REPS1: variants seen among roughly 807,000 people sequenced by gnomAD.
The protein encoded by REPS1 is ralBP1-associated Eps domain-containing protein 1.
Under a neutral mutation model 100.9 loss-of-function variants are expected in REPS1, and 39 were observed. The ratio of observed to expected loss-of-function variants is 0.39; its 90% CI spans 0.30 to 0.50. The LOEUF (loss-of-function observed/expected upper bound fraction) is 0.50. Ranked by LOEUF, REPS1 falls within the 20% of genes least tolerant of loss-of-function variation. REPS1 has a pLI of 0.86. For missense variants in REPS1, 821 were observed against 968.5 expected (o/e 0.85, Z 2.02); for synonymous variants, 324 against 340.3 (o/e 0.95, Z 0.53).
In REPS1 at chr6:138,943,503, C is replaced by T. The variant is rs765746319; in HGVS notation, c.980+10G>A. 21 of 1,548,026 alleles carry T rather than the reference C, an allele frequency of 1.4e-5. No individual in the cohort carries two copies. The highest frequency in any genetic ancestry group is 1.9e-5 in the Non-Finnish European group (21 of 1,122,630). On this transcript the variant is annotated intron_variant, in intron 7 of 19. Transcript: ENST00000450536. ...ACCCAGTTACCCAACTAATGATATA[C>T]CACACTTACCAAATATGAGAAAGTT...
chr6:138,913,302 C>T (rs1780136271), intron 15 of REPS1, among the ~76,000 whole-genome samples: 1 of 151,974 alleles, frequency 6.6e-6, no homozygotes, highest in Admixed American at 6.6e-5. Context: ...ACAATAGTTT[C>T]TTCCTTAAAT....
At chr6:138,941,760 A>G (rs1434310907) in intron 7 of REPS1, among the ~76,000 whole-genome samples, 1 of 152,258 alleles carries the variant, frequency 6.6e-6, no homozygotes, top group Non-Finnish European at 1.5e-5. Context: ...AATTAAGGTC[A>G]CCAAAAAGAA....
At chr6:138,927,412 T>C (rs891016759) in intron 9 of REPS1, 1 of 152,190 alleles carries the variant, frequency 6.6e-6, no homozygotes, top group East Asian at 1.9e-4. Flanking sequence ...TAAAATTGCA[T>C]TAAAATTATC....
chr6:138,973,667 A>C (rs1360263534), intron 1 of REPS1, among the ~76,000 whole-genome samples: 1 of 151,896 alleles, frequency 6.6e-6, no homozygotes, highest in Non-Finnish European at 1.5e-5. Flanking sequence ...TCAATGACTT[A>C]CTAGCTGTGT....
intron 13 of REPS1, chr6:138,916,279 GACACCATTTT>G: frequency 4.3e-6 from 1 of 232,350 alleles, no homozygotes; most frequent in Non-Finnish European, 7.8e-6. Context: ...GGAGTGCAGT[GACACCATTTT>G]GGCTCACTGC....
At chr6:138,935,231 CAAAGT>C (rs1271984613) in intron 8 of REPS1, among the ~76,000 whole-genome samples, 1 of 152,048 alleles carries the variant, frequency 6.6e-6, no homozygotes, top group Non-Finnish European at 1.5e-5. Flanking sequence ...TTAAAAAAAT[CAAAGT>C]AAAAATGTGT....
chr6:138,970,045 C>A (rs1285321573), intron 1 of REPS1, among the ~76,000 whole-genome samples: 1 of 151,892 alleles, frequency 6.6e-6, no homozygotes, highest in African/African-American at 2.4e-5. Flanking sequence ...AAATGCCACA[C>A]TAATTTTCAC....
intron 2 of REPS1, among the ~76,000 whole-genome samples, chr6:138,947,066 CT>C (rs1782674070): frequency 2.7e-5 from 4 of 150,580 alleles, no homozygotes; most frequent in Admixed American, 6.6e-5. Context: ...CTCTCTCTCT[CT>C]CTCTCTCTCC....
intron 10 of REPS1, among the ~76,000 whole-genome samples, chr6:138,921,978 TG>T (rs1780801357): frequency 2.5e-5 from 1 of 40,258 alleles, no homozygotes; most frequent in Non-Finnish European, 5.9e-5. Context: ...TCTCAAAAAG[TG>T]TGTGTGTGTG....
chr6:138,907,312 A>G (rs865888638), intron 19 of REPS1, 183 bp downstream of exon 19: 7 of 105,618 alleles, frequency 6.6e-5, no homozygotes, highest in Admixed American at 2.0e-4. Context: ...AAAAAAAAAA[A>G]AGTGTGTGTG....
At chr6:138,966,854 AATTTCCTTAC>A (rs1784053446) in intron 1 of REPS1, among the ~76,000 whole-genome samples, 1 of 152,156 alleles carries the variant, frequency 6.6e-6, no homozygotes, top group African/African-American at 2.4e-5. Flanking sequence ...TCTGAATGCA[AATTTCCTTAC>A]ATTTCATATA....
At chr6:138,948,089 G>A (rs537250362) in intron 1 of REPS1, among the ~76,000 whole-genome samples, 176 bp from the exon 2 acceptor site, 6 of 152,232 alleles carry the variant, frequency 3.9e-5, no homozygotes, top group Non-Finnish European at 7.4e-5. Flanking sequence ...CAAACAAAAA[G>A]TCACTGCTTT....
Position 138,903,543 on chromosome 6 carries a change from C to T in REPS1, c.*1521G>A, listed in dbSNP as rs2128417194. The stretch of plus-strand genomic sequence containing the variant: ...TATTGGAAGGCTAAATTCTAAGAAG[C>T]TTTAACAAATATTTTTGACATTGTT... On this transcript the variant is annotated 3_prime_UTR_variant, in exon 20 of 20. Coordinates refer to ENST00000450536, the MANE Select transcript of REPS1 (RefSeq NM_001286611.2). The T allele has an allele frequency of 6.6e-6, 1 of 152,084 alleles. No homozygotes were observed. The highest frequency in any genetic ancestry group is 1.9e-4 in the East Asian group (1 of 5,180). The allele number at this position is 152,084 out of a possible 1,614,324, so 9.4% of individuals were successfully genotyped here. A position where few individuals can be genotyped will look rare whatever the true frequency, so the allele number is the denominator to read the frequency against.
chr6:138,923,121 G>A (rs367765638), intron 10 of REPS1, among the ~76,000 whole-genome samples: 9 of 152,288 alleles, frequency 5.9e-5, no homozygotes, highest in African/African-American at 1.7e-4. Context: ...ATAGATGGAT[G>A]AAAGTTTAGA....
In REPS1 at chr6:138,908,870, A is replaced by T. The variant is rs1194484183; in HGVS notation, c.2068-54T>A. On this transcript the variant is annotated intron_variant, in intron 17 of 19. Coordinates refer to ENST00000450536, the MANE Select transcript of REPS1 (RefSeq NM_001286611.2). ...AGCATTTTTGAAGACATTCATAGTT[A>T]GCACTTTGCAACACCATTTGCTTTC... The T allele has an allele frequency of 2.0e-6, 3 of 1,537,370 alleles. No individual in the cohort carries two copies. In the African/African-American group the frequency reaches 4.1e-5, roughly 21 times the overall value.
intron 1 of REPS1, among the ~76,000 whole-genome samples, chr6:138,978,746 A>T (rs567843989): frequency 6.6e-5 from 10 of 152,280 alleles, no homozygotes; most frequent in African/African-American, 2.4e-4. Context: ...TTACTACTAC[A>T]CTGTTAATCC....
intron 1 of REPS1, among the ~76,000 whole-genome samples, chr6:138,961,276 G>A (rs1056886657): frequency 2.6e-5 from 4 of 151,538 alleles, no homozygotes; most frequent in South Asian, 2.1e-4. Context: ...TTTTTTTGTC[G>A]CCCAGGCTGG....
chr6:138,917,779 G>A, intron 12 of REPS1, 152 bp from the exon 13 acceptor site: 2 of 571,158 alleles, frequency 3.5e-6, no homozygotes, highest in Non-Finnish European at 6.1e-6. Context: ...GTTATTAACT[G>A]TAAAAAATTA....
rs534243709 is a variant in REPS1 at position 138,914,110 on chromosome 6, T to C, written c.1785+587A>G. On this transcript the variant is annotated intron_variant, in intron 15 of 19. Transcript: ENST00000450536. ...TTTGAGACAGGGTCTCACTCTGTCA[T>C]CCAGGCTGGAGTGCAGTGGTGCAAT... Among the ~76,000 whole-genome samples, 26 of 149,148 alleles carry C rather than the reference T, an allele frequency of 1.7e-4. No homozygotes were observed. The South Asian group carries it at 5.0e-3, about 29-fold the overall frequency.
Sources: allele counts gnomAD v4.1 joint callset (sites outside exome capture counted in the v4.1 genomes callset), GRCh38; gene constraint gnomAD v4.1.1; transcripts MANE v1.5; gene names NCBI Gene and HGNC (gene_info 2026-07-23, HGNC 2026-07-21).